Variants in RIMBP2 observed in about 807,000 individuals in gnomAD.
The protein encoded by RIMBP2 is RIMS binding protein 2.
A neutral mutation model predicts 118.6 loss-of-function variants in RIMBP2; 48 were observed. The ratio of observed to expected loss-of-function variants is 0.40; its 90% CI spans 0.32 to 0.51. RIMBP2 has a LOEUF of 0.51. RIMBP2 is among the 20% of genes least tolerant of loss of function. The pLI, the probability that RIMBP2 is intolerant of heterozygous loss-of-function variation, is 0.41. For synonymous variants in RIMBP2, 762 were observed against 742.9 expected (o/e 1.03, Z -0.42); for missense variants, 1,551 against 1,768.3 (o/e 0.88, Z 2.20).
At chr12:130,601,335 C>CAAAAAAAAA (rs35127958) in intron 2 of RIMBP2, among the ~76,000 whole-genome samples, 4 of 63,078 alleles carry the variant, frequency 6.3e-5, no homozygotes, top group Non-Finnish European at 8.9e-5. Context: ...AGAGGGCAGG[C>CAAAAAAAAA]AAAAAAAAAA....
rs1382600881 is a variant in RIMBP2, at chr12:130,532,674, C to T, written c.-216-14757G>A. 3.9e-5 allele frequency among the ~76,000 whole-genome samples: 5 copies of T among 128,712 alleles called. 1 individual carries two copies. The highest frequency in any genetic ancestry group is 2.4e-4 in the Admixed American group (3 of 12,354). The allele number at this position is 128,712 out of a possible 152,430, so 84.4% of individuals were successfully genotyped here. On this transcript the variant is annotated intron_variant, in intron 2 of 22. Transcript: ENST00000690449. ...GCATGTGTTCAGCCTCTAGGAGGGA[C>T]GTCTAATGAGATGCGTGTGTTCAGC...
At chr12:130,409,770 C>T (rs1201195798) in intron 19 of RIMBP2, among the ~76,000 whole-genome samples, 1 of 152,086 alleles carries the variant, frequency 6.6e-6, no homozygotes, top group African/African-American at 2.4e-5. Context: ...GGGGCGCCTT[C>T]GTTCTGTTTC....
chr12:130,453,038 A>G (rs557496424), intron 7 of RIMBP2, among the ~76,000 whole-genome samples: 4 of 152,220 alleles, frequency 2.6e-5, no homozygotes, highest in Non-Finnish European at 5.9e-5. Flanking sequence ...GCGCTCTCTC[A>G]TGATGGTAAT....
At chr12:130,565,224 T>C (rs2057126310) in intron 2 of RIMBP2, among the ~76,000 whole-genome samples, 1 of 152,200 alleles carries the variant, frequency 6.6e-6, no homozygotes, top group Non-Finnish European at 1.5e-5. Flanking sequence ...AGATGCCTAT[T>C]ATTTAAAATA....
intron 2 of RIMBP2, among the ~76,000 whole-genome samples, chr12:130,616,147 G>A (rs1331269058): frequency 2.0e-5 from 3 of 152,130 alleles, no homozygotes; most frequent in Non-Finnish European, 4.4e-5. Context: ...CCGCCTGCAC[G>A]TTTCCCACCA....
At chr12:130,691,896 G>A (rs893916382) in intron 1 of RIMBP2, among the ~76,000 whole-genome samples, 2 of 152,182 alleles carry the variant, frequency 1.3e-5, no homozygotes, top group Non-Finnish European at 2.9e-5. Flanking sequence ...GCCCTGGGTG[G>A]TTAGAGCGGG....
intron 4 of RIMBP2, among the ~76,000 whole-genome samples, chr12:130,485,106 G>A (rs2082366187): frequency 6.6e-6 from 1 of 151,976 alleles, no homozygotes; most frequent in African/African-American, 2.4e-5. Context: ...TTAAACACCA[G>A]GTACAGGGTG....
intron 1 of RIMBP2, among the ~76,000 whole-genome samples, chr12:130,633,435 G>A (rs1161212354): frequency 2.0e-5 from 3 of 152,040 alleles, no homozygotes; most frequent in Admixed American, 6.5e-5. Context: ...ACAAATAACC[G>A]GACACCCAGC....
chr12:130,685,618 G>A (rs528758220), intron 1 of RIMBP2, among the ~76,000 whole-genome samples: 2 of 152,262 alleles, frequency 1.3e-5, no homozygotes, highest in South Asian at 2.1e-4. Context: ...TGTGGCCGCC[G>A]TGGCTCATGG....
chr12:130,448,292 G>A (rs1566056366), intron 9 of RIMBP2, among the ~76,000 whole-genome samples: 1 of 152,134 alleles, frequency 6.6e-6, no homozygotes, highest in Admixed American at 6.5e-5. Flanking sequence ...GTCAGTCCTC[G>A]GGGGACATTA....
At chr12:130,644,752 C>A (rs2062774765) in intron 1 of RIMBP2, among the ~76,000 whole-genome samples, 2 of 152,230 alleles carry the variant, frequency 1.3e-5, no homozygotes, top group Admixed American at 6.5e-5. Context: ...ATGGCCACAA[C>A]CACTGCGTTA....
chr12:130,631,348 T>A (rs994449554), intron 1 of RIMBP2, among the ~76,000 whole-genome samples: 1 of 152,174 alleles, frequency 6.6e-6, no homozygotes, highest in African/African-American at 2.4e-5. Flanking sequence ...AAAGTAGCAA[T>A]TTAACTATGT....
intron 2 of RIMBP2, among the ~76,000 whole-genome samples, chr12:130,575,710 A>C (rs900218834): frequency 3.3e-5 from 5 of 152,198 alleles, no homozygotes; most frequent in African/African-American, 1.2e-4. Flanking sequence ...ACAAAGCACC[A>C]TGAAGGGGAT....
At chr12:130,405,807 T>C (rs1452292471) in intron 21 of RIMBP2, among the ~76,000 whole-genome samples, 2 of 152,286 alleles carry the variant, frequency 1.3e-5, no homozygotes, top group South Asian at 4.1e-4. Context: ...TATTTCTTCC[T>C]TTTCCTAAAA....
chr12:130,521,861 A>C (rs2052162547), intron 2 of RIMBP2, among the ~76,000 whole-genome samples: 1 of 152,262 alleles, frequency 6.6e-6, no homozygotes, highest in Non-Finnish European at 1.5e-5. Context: ...TAAGCATTGC[A>C]ATGGAATCGT....
At chr12:130,456,425 GC>G in intron 7 of RIMBP2, 70 bp downstream of exon 7, 1 of 1,382,852 alleles carries the variant, frequency 7.2e-7, no homozygotes, top group Non-Finnish European at 9.9e-7. Flanking sequence ...TTTCACCTGT[GC>G]ACACCCTCGC....
At chr12:130,676,510 C>A (rs990152019) in intron 1 of RIMBP2, among the ~76,000 whole-genome samples, 1 of 151,780 alleles carries the variant, frequency 6.6e-6, no homozygotes, top group Non-Finnish European at 1.5e-5. Flanking sequence ...GTAGTCCCAG[C>A]TACTCAGGAG....
chr12:130,402,392 G>A (rs1248151817), intron 21 of RIMBP2, among the ~76,000 whole-genome samples: 1 of 152,086 alleles, frequency 6.6e-6, no homozygotes, highest in Non-Finnish European at 1.5e-5. Context: ...CAGTCAGAAC[G>A]CTGGATAAGA....
At chr12:130,495,076 G>T (rs373802037) in intron 4 of RIMBP2, among the ~76,000 whole-genome samples, 1 of 152,186 alleles carries the variant, frequency 6.6e-6, no homozygotes, top group East Asian at 1.9e-4. Flanking sequence ...ACAGTCCTTG[G>T]GTTTAGGGCC....
Sources: gnomAD v4.1 joint callset for allele counts (sites outside exome capture counted in the v4.1 genomes callset) on GRCh38, gnomAD v4.1.1 for gene constraint, MANE v1.5 for transcripts, NCBI Gene and HGNC (gene_info 2026-07-23, HGNC 2026-07-21) for gene names.